The following CCDC91 variants were observed in gnomAD, a reference collection of about 807,000 sequenced individuals.
CCDC91 encodes coiled-coil domain-containing protein 91.
In CCDC91, 48 loss-of-function variants were observed where a neutral mutation model predicts 63.2. The observed-to-expected ratio is 0.76, with a 90% CI of 0.60 to 0.97. The LOEUF is 0.97. Among genes scored for constraint, CCDC91 ranks in the 50% least tolerant of loss-of-function variants. CCDC91 has a pLI of 0.00. For missense variants in CCDC91, 500 were observed against 494.6 expected (o/e 1.01, Z -0.10); for synonymous variants, 167 against 165.8 (o/e 1.01, Z -0.06).
chr12:28,379,463 A>C (rs1019282291), intron 7 of CCDC91, among the ~76,000 whole-genome samples: 13 of 151,508 alleles, frequency 8.6e-5, no homozygotes, highest in East Asian at 7.7e-4. Context: ...AAAAAAAAAA[A>C]AAAAAACCAT....
chr12:28,510,467 C>T (rs1052807442), intron 12 of CCDC91, among the ~76,000 whole-genome samples: 12 of 151,794 alleles, frequency 7.9e-5, no homozygotes, highest in Admixed American at 5.9e-4. Flanking sequence ...ATTCCTAAGA[C>T]CAGAAAAGAT....
At chr12:28,464,757 G>A (rs140877410) in intron 11 of CCDC91, among the ~76,000 whole-genome samples, 65 of 152,284 alleles carry the variant, frequency 4.3e-4, no homozygotes, top group African/African-American at 1.5e-3. Flanking sequence ...ATGAGGCTCA[G>A]TACATTCCCA....
chr12:28,348,471 G>A (rs188028320), intron 6 of CCDC91, among the ~76,000 whole-genome samples: 3 of 152,282 alleles, frequency 2.0e-5, no homozygotes, highest in African/African-American at 7.2e-5. Flanking sequence ...GTTGATTTCA[G>A]TCACCTTCCA....
At chr12:28,409,473 T>C (rs906494289) in intron 8 of CCDC91, among the ~76,000 whole-genome samples, 1 of 152,088 alleles carries the variant, frequency 6.6e-6, no homozygotes, top group Admixed American at 6.5e-5. Flanking sequence ...TTATTAGAGA[T>C]TTATCAATTC....
At chr12:28,317,193 G>A (rs1418736785) in intron 6 of CCDC91, among the ~76,000 whole-genome samples, 1 of 151,958 alleles carries the variant, frequency 6.6e-6, no homozygotes, top group Non-Finnish European at 1.5e-5. Context: ...GCATTCACAA[G>A]GGATATAGAT....
At chr12:28,446,527 T>C (rs1036889470) in intron 8 of CCDC91, among the ~76,000 whole-genome samples, 1 of 152,110 alleles carries the variant, frequency 6.6e-6, no homozygotes, top group Admixed American at 6.6e-5. Flanking sequence ...TTAATATAAA[T>C]ACAGTTTTAT....
At chr12:28,308,113 C>A (rs1938937159) in intron 6 of CCDC91, among the ~76,000 whole-genome samples, 1 of 151,670 alleles carries the variant, frequency 6.6e-6, no homozygotes, top group Non-Finnish European at 1.5e-5. Context: ...AAATTGTCTC[C>A]TTTTCTCCTT....
chr12:28,224,347 ATT>A (rs1313679884), intron 1 of CCDC91, among the ~76,000 whole-genome samples: 5 of 152,084 alleles, frequency 3.3e-5, no homozygotes, highest in African/African-American at 1.2e-4. Context: ...ATTTTTGTCC[ATT>A]TTGTGTAAAT....
At chr12:28,284,112 T>G (rs1411744107) in intron 3 of CCDC91, among the ~76,000 whole-genome samples, 1 of 152,070 alleles carries the variant, frequency 6.6e-6, no homozygotes, top group Non-Finnish European at 1.5e-5. Context: ...GATACAGCCT[T>G]TCTTCTTCTT....
intron 1 of CCDC91, among the ~76,000 whole-genome samples, chr12:28,245,408 T>G (rs188824667): frequency 2.0e-5 from 3 of 152,244 alleles, no homozygotes; most frequent in Admixed American, 1.3e-4. Context: ...AAATAAAATT[T>G]CCTTGTAGTA....
chr12:28,260,332 G>T lies in CCDC91; in HGVS notation c.109+890G>T, dbSNP rs531862980. Among the ~76,000 whole-genome samples, 9 of 152,032 alleles carry T rather than the reference G, an allele frequency of 5.9e-5. No individual in the cohort carries two copies. The South Asian group carries it at 1.9e-3, about 32-fold the overall frequency. The stretch of plus-strand genomic sequence containing the variant: ...ACAGTTGATCTGTTCTCTGAAGGGT[G>T]CATATAATTTCAATAGGCAGATATG... On this transcript the variant is annotated intron_variant, in intron 3 of 12. Transcript: ENST00000536442.
intron 12 of CCDC91, among the ~76,000 whole-genome samples, chr12:28,507,850 G>C (rs1402623230): frequency 6.6e-6 from 1 of 152,012 alleles, no homozygotes; most frequent in South Asian, 2.1e-4. Context: ...GGTGGAGGAA[G>C]TGTAGGATCA....
chr12:28,355,948 G>GAGAT (rs1274334105), intron 6 of CCDC91, among the ~76,000 whole-genome samples: 1 of 152,094 alleles, frequency 6.6e-6, no homozygotes, highest in Non-Finnish European at 1.5e-5. Flanking sequence ...TTTAGTATTG[G>GAGAT]AGATAGAATC....
At chr12:28,271,311 CATT>C (rs759376167) in intron 3 of CCDC91, among the ~76,000 whole-genome samples, 16 of 152,002 alleles carry the variant, frequency 1.1e-4, no homozygotes, top group Non-Finnish European at 2.2e-4. Flanking sequence ...CTTTCATGAT[CATT>C]ATTTTCTATT....
intron 8 of CCDC91, among the ~76,000 whole-genome samples, chr12:28,429,396 G>A (rs1169793996): frequency 6.6e-6 from 1 of 151,838 alleles, no homozygotes; most frequent in Non-Finnish European, 1.5e-5. Flanking sequence ...TTAATTTGAG[G>A]GCTTTCAATG....
At chr12:28,216,261 C>G (rs1242040753) in intron 1 of CCDC91, among the ~76,000 whole-genome samples, 2 of 152,052 alleles carry the variant, frequency 1.3e-5, no homozygotes, top group Non-Finnish European at 2.9e-5. Flanking sequence ...CATCAACTCT[C>G]ACTAGAATCC....
At chr12:28,361,133 T>G (rs1183359439) in intron 6 of CCDC91, among the ~76,000 whole-genome samples, 3 of 151,474 alleles carry the variant, frequency 2.0e-5, no homozygotes, top group Non-Finnish European at 4.4e-5. Flanking sequence ...GTTTTGTGGG[T>G]TTTTCCACTT....
intron 1 of CCDC91, among the ~76,000 whole-genome samples, chr12:28,216,757 T>TTTG (rs1943587554): frequency 6.6e-6 from 1 of 152,076 alleles, no homozygotes; most frequent in Non-Finnish European, 1.5e-5. Flanking sequence ...TTTAAGTGTG[T>TTTG]TTGTTCAGGA....
chr12:28,368,339 G>A (rs1465263008), intron 7 of CCDC91, among the ~76,000 whole-genome samples: 1 of 152,036 alleles, frequency 6.6e-6, no homozygotes, highest in African/African-American at 2.4e-5. Flanking sequence ...CTTATTTTTG[G>A]TGACTTTAAT....
Sources: gnomAD v4.1 joint callset for allele counts (sites outside exome capture counted in the v4.1 genomes callset) on GRCh38, gnomAD v4.1.1 for gene constraint, MANE v1.5 for transcripts, NCBI Gene and HGNC (gene_info 2026-07-23, HGNC 2026-07-21) for gene names.